The following WDR75 variants were observed in gnomAD, a reference collection of about 807,000 sequenced individuals.
WDR75 encodes WD repeat domain 75.
WDR75 carries 52 observed loss-of-function variants against 106.1 expected under a neutral mutation model. The observed-to-expected ratio is 0.49, with a 90% CI of 0.39 to 0.62. WDR75 has a LOEUF of 0.62. WDR75 is among the 20% of genes least tolerant of loss of function. The pLI, the probability that WDR75 is intolerant of heterozygous loss-of-function variation, is 0.00. For missense variants in WDR75, 905 were observed against 970.3 expected (o/e 0.93, Z 0.89); for synonymous variants, 333 against 335.5 (o/e 0.99, Z 0.08).
rs1225443332 is a variant in WDR75, at chr2:189,451,795, T to C, written c.283-10T>C. 4 of 1,610,756 alleles carry C rather than the reference T, an allele frequency of 2.5e-6. No individual in the cohort carries two copies. Among genetic ancestry groups the C allele is most frequent in the Non-Finnish European group, 3.4e-6 (4 of 1,177,250 alleles). On this transcript the variant is annotated splice_polypyrimidine_tract_variant and intron_variant, in intron 3 of 20. Coordinates refer to ENST00000314761, the MANE Select transcript of WDR75 (RefSeq NM_032168.3). ...AGACAGTAAACACTATGGTGCTCTT[T>C]ATCTTTCAGACTTTCATAGTTGGAT... is the stretch of plus-strand genomic sequence containing the variant.
chr2:189,442,941 CAT>C (rs1417669705), intron 1 of WDR75, among the ~76,000 whole-genome samples: 1 of 152,188 alleles, frequency 6.6e-6, no homozygotes, highest in Non-Finnish European at 1.5e-5. Context: ...GCTTCGGACT[CAT>C]ATCCATGTAA....
chr2:189,465,554 C>T (rs984728250), intron 12 of WDR75, among the ~76,000 whole-genome samples: 4 of 152,078 alleles, frequency 2.6e-5, no homozygotes, highest in African/African-American at 7.2e-5. Flanking sequence ...CTTGCTCTTC[C>T]GTTAACAGCA....
intron 2 of WDR75, chr2:189,449,652 G>A (rs1686574591): frequency 9.9e-7 from 1 of 1,010,220 alleles, no homozygotes; most frequent in Admixed American, 5.3e-5. Context: ...AGCAGTTCTG[G>A]ACTTAGGAGT....
At chr2:189,443,954 T>G (rs1176915529) in intron 1 of WDR75, among the ~76,000 whole-genome samples, 1 of 152,186 alleles carries the variant, frequency 6.6e-6, no homozygotes, top group African/African-American at 2.4e-5. Flanking sequence ...TTAGAGTGAT[T>G]TCACAGTCAG....
intron 1 of WDR75, among the ~76,000 whole-genome samples, chr2:189,444,389 A>G (rs1321008531): frequency 2.0e-5 from 3 of 152,116 alleles, no homozygotes; most frequent in Non-Finnish European, 2.9e-5. Flanking sequence ...GTGGGTATAC[A>G]TGTAAGTTCC....
intron 20 of WDR75, 49 bp from the exon 21 acceptor site, chr2:189,475,164 G>A: frequency 7.2e-7 from 1 of 1,397,870 alleles, no homozygotes; most frequent in Non-Finnish European, 9.8e-7. Context: ...GAAAGTTACT[G>A]TTTAGAAACA....
In WDR75 at chr2:189,466,579, T is replaced by C. The variant is rs201947453; in HGVS notation, c.1444T>C (p.Tyr482His). 4 of 1,599,322 alleles carry C rather than the reference T, an allele frequency of 2.5e-6. No individual in the cohort carries two copies. The highest frequency in any genetic ancestry group is 2.7e-5 in the African/African-American group (2 of 73,932). The change falls in exon 13 of 21, where the codon TAC (tyrosine) becomes CAC (histidine). Residue 482 changes from tyrosine to histidine, a missense_variant. Tyr to His is a moderately conservative substitution (Grantham distance 83). Coordinates refer to ENST00000314761, the MANE Select transcript of WDR75 (RefSeq NM_032168.3). ...VWILTDDSDI[Y>H]KKAVGWTCDF... ...GATATTAACAGATGACTCTGACATA[T>C]ACAGTAAGTTATTAAATATGTTATG...
At chr2:189,466,100 C>T (rs1408737784) in intron 12 of WDR75, among the ~76,000 whole-genome samples, 2 of 152,090 alleles carry the variant, frequency 1.3e-5, no homozygotes, top group Non-Finnish European at 2.9e-5. Flanking sequence ...GGGTTCTATA[C>T]AAGTTTCCTA....
At chr2:189,444,414 T>A (rs770347214) in intron 1 of WDR75, among the ~76,000 whole-genome samples, 5 of 152,166 alleles carry the variant, frequency 3.3e-5, no homozygotes, top group Non-Finnish European at 7.4e-5. Flanking sequence ...GTTCCCATAT[T>A]AGATATTACT....
chr2:189,464,006 C>A, intron 11 of WDR75, 45 bp downstream of exon 11: 1 of 1,523,798 alleles, frequency 6.6e-7, no homozygotes, highest in Non-Finnish European at 9.1e-7. Context: ...AAGCTCTTTA[C>A]AGTACCACTG....
intron 20 of WDR75, 152 bp downstream of exon 20, chr2:189,474,960 TA>T: frequency 1.3e-6 from 1 of 756,410 alleles, no homozygotes; most frequent in Non-Finnish European, 2.1e-6. Context: ...TTAAGTCAAG[TA>T]ACATACATTG....
At chr2:189,455,241 A>AG in intron 4 of WDR75, 79 bp from the exon 5 acceptor site, 1 of 1,207,398 alleles carries the variant, frequency 8.3e-7, no homozygotes, top group Non-Finnish European at 1.1e-6. Flanking sequence ...ACTTTGCCTC[A>AG]AAAAAAAAAG....
intron 8 of WDR75, among the ~76,000 whole-genome samples, chr2:189,461,356 C>T (rs6740432): frequency 0.016 from 2,365 of 152,174 alleles, 24 homozygotes; most frequent in Middle Eastern, 0.027. Context: ...TGGTGGCTAC[C>T]GTGTTGACAA....
chr2:189,468,413 GTTC>G lies in WDR75; in HGVS notation c.1629-59_1629-57del, dbSNP rs1687049215. 15 of 1,510,816 alleles carry G rather than the reference GTTC, an allele frequency of 9.9e-6. 1 individual carries two copies. Among genetic ancestry groups the G allele is most frequent in the Non-Finnish European group, 1.4e-5 (15 of 1,087,364 alleles). 93.6% of individuals were successfully genotyped at this position (1,510,816 alleles called of 1,614,324 possible). Reference sequence around the variant, plus strand: ...ATAGAACAGCCGCTGGAAGCCTGCAGTTCTTTGTAACTGAATTTGCTAGAACTG... The same window carrying G: ...ATAGAACAGCCGCTGGAAGCCTGCAGTTTGTAACTGAATTTGCTAGAACTG... On this transcript the variant is annotated intron_variant, in intron 14 of 20. Coordinates refer to ENST00000314761, the MANE Select transcript of WDR75 (RefSeq NM_032168.3).
At chr2:189,460,930 A>G (rs1331027302) in intron 8 of WDR75, among the ~76,000 whole-genome samples, 1 of 152,216 alleles carries the variant, frequency 6.6e-6, no homozygotes, top group African/African-American at 2.4e-5. Context: ...GTTATTAGAA[A>G]AAGAAAAAAT....
chr2:189,453,557 A>G (rs761771323), intron 4 of WDR75, among the ~76,000 whole-genome samples: 2 of 152,216 alleles, frequency 1.3e-5, no homozygotes, highest in Non-Finnish European at 2.9e-5. Flanking sequence ...AATATGCAAG[A>G]CAGGATGGAA....
intron 2 of WDR75, chr2:189,450,494 C>G (rs1327253581): frequency 2.3e-6 from 2 of 882,400 alleles, no homozygotes; most frequent in East Asian, 2.3e-4. Flanking sequence ...CCACGCCTGG[C>G]TAATTTTTGT....
In WDR75 at chr2:189,457,801, A is replaced by G. The variant is rs572936519; in HGVS notation, c.569+420A>G. On this transcript the variant is annotated intron_variant, in intron 6 of 20. Coordinates refer to ENST00000314761, the MANE Select transcript of WDR75 (RefSeq NM_032168.3). Reference sequence around the variant, plus strand: ...AAAACATATTTAAAATAGAGATAATATCTACCTAACAGAGTTGTACTGATG... The same window carrying G: ...AAAACATATTTAAAATAGAGATAATGTCTACCTAACAGAGTTGTACTGATG... 6.6e-5 allele frequency among the ~76,000 whole-genome samples: 10 copies of G among 152,288 alleles called. No homozygotes were observed. In the South Asian group the frequency reaches 1.7e-3, roughly 25 times the overall value.
intron 12 of WDR75, 60 bp from the exon 13 acceptor site, chr2:189,466,365 T>C: frequency 6.4e-7 from 1 of 1,567,774 alleles, no homozygotes; most frequent in Non-Finnish European, 8.7e-7. Flanking sequence ...ATGTCAGAAA[T>C]TCTTATATAC....
Sources: gnomAD v4.1 joint callset for allele counts (sites outside exome capture counted in the v4.1 genomes callset) on GRCh38, gnomAD v4.1.1 for gene constraint, MANE v1.5 for transcripts, NCBI Gene and HGNC (gene_info 2026-07-23, HGNC 2026-07-21) for gene names.